The following CREBBP variants were observed in gnomAD, a reference collection of about 807,000 sequenced individuals.
CREBBP encodes CREB-binding protein.
A neutral mutation model predicts 265.0 loss-of-function variants in CREBBP; 19 were observed. The ratio of observed to expected loss-of-function variants is 0.07; its 90% CI spans 0.05 to 0.11. The LOEUF (loss-of-function observed/expected upper bound fraction) is 0.11. Ranked by LOEUF, CREBBP falls within the 10% of genes least tolerant of loss-of-function variation. The pLI, the probability that CREBBP is intolerant of heterozygous loss-of-function variation, is 1.00. For missense variants in CREBBP, 2,525 were observed against 3,219.0 expected, an observed-to-expected ratio of 0.78 and a Z score of 5.22; for synonymous variants, 1,457 against 1,223.7, an observed-to-expected ratio of 1.19 and a Z score of -3.98.
chr16:3,863,879 C>T (rs369680250), intron 1 of CREBBP, among the ~76,000 whole-genome samples: 1 of 152,204 alleles, frequency 6.6e-6, no homozygotes, highest in Admixed American at 6.5e-5. Flanking sequence ...AATGACCCAG[C>T]AGCCCCTGCA....
In CREBBP at chr16:3,736,200, T is replaced by C; in HGVS notation, c.4564A>G (p.Ile1522Val). The C allele has an allele frequency of 6.2e-7, 1 of 1,614,172 alleles. No homozygotes were observed. Among genetic ancestry groups the C allele is most frequent in the South Asian group, 1.1e-5 (1 of 91,082 alleles). Residue 1522 changes from isoleucine to valine, a missense_variant, in exon 28 of 31, where the codon ATT becomes GTT. This residue lies in a region of CREBBP where 93 missense variants were observed against 161.5 expected (regional missense o/e 0.58). Transcript: ENST00000262367. ...CTGTCTTCAGTTGCTTGTTTGAAAA[T>C]ATCCTGAGTGGGCAAAGCACAACAG... ...AERIIHDYKD[I>V]FKQATEDRLT... is the part of the protein sequence containing the mutation.
intron 5 of CREBBP, among the ~76,000 whole-genome samples, chr16:3,786,439 G>C (rs1026355734): frequency 6.6e-6 from 1 of 152,186 alleles, no homozygotes; most frequent in Admixed American, 6.5e-5. Context: ...AAAGAACTCA[G>C]TTACTCAGAC....
Position 3,815,530 on chromosome 16 carries a change from C to CAAAAA in CREBBP, c.799-4756_799-4752dup, listed in dbSNP as rs1031380875. On this transcript the variant is annotated intron_variant, in intron 2 of 30. Transcript: ENST00000262367. ...GGATGACAGAGGGGAGACTCCATCTCAAAAAAAAAAAAAAAAAAAATTTTT... is the reference window on the plus strand; with the variant it reads ...GGATGACAGAGGGGAGACTCCATCTCAAAAAAAAAAAAAAAAAAAAAAAAATTTTT... 6.3e-3 allele frequency among the ~76,000 whole-genome samples: 329 copies of CAAAAA among 51,936 alleles called. 3 individuals are homozygous for CAAAAA. The highest frequency in any genetic ancestry group is 0.024 in the Middle Eastern group (2 of 84). The allele number at this position is 51,936 out of a possible 152,430, so 34.1% of individuals were successfully genotyped here. A position where few individuals can be genotyped will look rare whatever the true frequency, so the allele number is the denominator to read the frequency against.
chr16:3,785,557 T>C (rs115253262), intron 5 of CREBBP, among the ~76,000 whole-genome samples: 1 of 152,220 alleles, frequency 6.6e-6, no homozygotes, highest in Non-Finnish European at 1.5e-5. Context: ...TAACCTGCTG[T>C]GCAGAGTCCA....
chr16:3,836,567 G>T (rs539341401), intron 2 of CREBBP, among the ~76,000 whole-genome samples: 12 of 152,184 alleles, frequency 7.9e-5, no homozygotes, highest in African/African-American at 2.4e-4. Context: ...TCTTGATAGG[G>T]GTGTGGGTTA....
At chr16:3,804,566 G>A (rs372471158) in intron 3 of CREBBP, among the ~76,000 whole-genome samples, 1 of 152,180 alleles carries the variant, frequency 6.6e-6, no homozygotes, top group African/African-American at 2.4e-5. Context: ...TGCTAGCTAC[G>A]ACTGACCTCA....
intron 18 of CREBBP, 46 bp downstream of exon 18, chr16:3,757,763 G>C (rs779497703): frequency 5.0e-6 from 8 of 1,609,930 alleles, no homozygotes; most frequent in Non-Finnish European, 5.9e-6. Context: ...CCCTCTGGCT[G>C]GATTAACCAG....
At chr16:3,852,460 C>A (rs1052074260) in intron 1 of CREBBP, among the ~76,000 whole-genome samples, 2 of 151,974 alleles carry the variant, frequency 1.3e-5, no homozygotes, top group Non-Finnish European at 2.9e-5. Flanking sequence ...TGTGAGCCAC[C>A]GTGCCCGGCC....
chr16:3,835,113 C>T (rs964056074), intron 2 of CREBBP, among the ~76,000 whole-genome samples: 2 of 152,060 alleles, frequency 1.3e-5, no homozygotes, highest in African/African-American at 4.8e-5. Flanking sequence ...GAGCCGAGAC[C>T]ACGCCACTGC....
chr16:3,788,265 A>C (rs921976954), intron 5 of CREBBP, among the ~76,000 whole-genome samples: 10 of 152,236 alleles, frequency 6.6e-5, no homozygotes, highest in African/African-American at 2.4e-4. Context: ...CATCCAGAGC[A>C]GTGCATCTCA....
intron 3 of CREBBP, among the ~76,000 whole-genome samples, chr16:3,809,667 G>A (rs1032517206): frequency 6.6e-6 from 1 of 152,148 alleles, no homozygotes; most frequent in African/African-American, 2.4e-5. Flanking sequence ...AAAGACCAAG[G>A]TTATGTAAGA....
intron 2 of CREBBP, among the ~76,000 whole-genome samples, chr16:3,836,092 A>G (rs2054443316): frequency 6.6e-6 from 1 of 152,126 alleles, no homozygotes; most frequent in Non-Finnish European, 1.5e-5. Context: ...TCATCACACT[A>G]CATGATTCCA....
chr16:3,832,749 C>A (rs1290980874), intron 2 of CREBBP, among the ~76,000 whole-genome samples: 1 of 152,180 alleles, frequency 6.6e-6, no homozygotes, highest in East Asian at 1.9e-4. Context: ...TAGCACATTA[C>A]TGTGGAAGCA....
chr16:3,759,568 C>A (rs1446901223), intron 16 of CREBBP, among the ~76,000 whole-genome samples: 1 of 135,048 alleles, frequency 7.4e-6, no homozygotes, highest in African/African-American at 3.6e-5. Flanking sequence ...GCCTGGACAA[C>A]AAGAGCAAAA....
intron 2 of CREBBP, among the ~76,000 whole-genome samples, chr16:3,830,404 CA>C (rs2054320299): frequency 6.8e-6 from 1 of 147,762 alleles, no homozygotes; most frequent in South Asian, 2.2e-4. Flanking sequence ...TGTATCAAAA[CA>C]AAACAAAACA....
At chr16:3,865,572 T>C (rs2055160221) in intron 1 of CREBBP, among the ~76,000 whole-genome samples, 1 of 152,176 alleles carries the variant, frequency 6.6e-6, no homozygotes, top group East Asian at 1.9e-4. Flanking sequence ...AGGCTCTCTC[T>C]ACAGGTTTTG....
intron 2 of CREBBP, among the ~76,000 whole-genome samples, chr16:3,823,523 G>A (rs1013519770): frequency 6.6e-6 from 1 of 152,134 alleles, no homozygotes; most frequent in Non-Finnish European, 1.5e-5. Flanking sequence ...GAGGGCGGGA[G>A]GAAAGAAAAT....
rs1259742748 is a variant in CREBBP, at chr16:3,749,620, T to C, written c.3836+7A>G. 2 of 1,593,366 alleles carry C rather than the reference T, an allele frequency of 1.3e-6. No individual in the cohort carries two copies. Among genetic ancestry groups the C allele is most frequent in the South Asian group, 1.1e-5 (1 of 90,316 alleles). ...TGAAAGTAAAAAAGAAATAGCTATA[T>C]ACTTACGGTTCGGGGTCTAAGGTAT... On this transcript the variant is annotated splice_region_variant and intron_variant, in intron 21 of 30. Transcript: ENST00000262367.
At chr16:3,786,468 T>C (rs890851520) in intron 5 of CREBBP, among the ~76,000 whole-genome samples, 2 of 152,144 alleles carry the variant, frequency 1.3e-5, no homozygotes, top group African/African-American at 4.8e-5. Context: ...CCCCTAATCA[T>C]CCTCAATAAA....
Sources: gnomAD v4.1 joint callset for allele counts (sites outside exome capture counted in the v4.1 genomes callset) on GRCh38, gnomAD v4.1.1 for gene constraint, gnomAD v4.1.1 regional missense constraint, MANE v1.5 for transcripts, NCBI Gene and HGNC (gene_info 2026-07-23, HGNC 2026-07-21) for gene names.